The following SNTB1 variants were observed in gnomAD, a reference collection of about 807,000 sequenced individuals.
SNTB1 encodes the protein beta-1-syntrophin.
Under a neutral mutation model 48.9 loss-of-function variants are expected in SNTB1, and 36 were observed. The ratio of observed to expected loss-of-function variants is 0.74; its 90% CI spans 0.56 to 0.97. SNTB1 has a LOEUF of 0.97. Among genes scored for constraint, SNTB1 ranks in the 50% least tolerant of loss-of-function variants. SNTB1 has a pLI of 0.00. For missense variants in SNTB1, 786 were observed against 703.4 expected (o/e 1.12, Z -1.33); for synonymous variants, 299 against 294.6 (o/e 1.01, Z -0.15).
chr8:120,573,816 C>T (rs767923012), intron 4 of SNTB1, among the ~76,000 whole-genome samples: 1 of 152,042 alleles, frequency 6.6e-6, no homozygotes, highest in African/African-American at 2.4e-5. Context: ...TTCTTGGCAC[C>T]CTTGTCAACA....
At position 120,536,921 on chromosome 8, in the gene SNTB1, A is replaced by G. The variant is rs1815212158; in HGVS notation, c.*1956T>C. ...ATTGTTGAATTTAACTATTGGCATTAATATATGTATTTTAATATGTTATTT... is the reference window on the plus strand; with the variant it reads ...ATTGTTGAATTTAACTATTGGCATTGATATATGTATTTTAATATGTTATTT... On this transcript the variant is annotated 3_prime_UTR_variant, in exon 7 of 7. Transcript: ENST00000517992. 1 of 143,632 alleles carries G rather than the reference A, an allele frequency of 7.0e-6. No homozygotes were observed. The highest frequency in any genetic ancestry group is 1.9e-4 in the East Asian group (1 of 5,200). The allele number at this position is 143,632 out of a possible 1,614,324, so 8.9% of individuals were successfully genotyped here.
At chr8:120,724,342 A>T (rs1357480203) in intron 1 of SNTB1, among the ~76,000 whole-genome samples, 1 of 152,256 alleles carries the variant, frequency 6.6e-6, no homozygotes, top group African/African-American at 2.4e-5. Flanking sequence ...GCAAGAGAAC[A>T]CAGAGCCCTT....
intron 4 of SNTB1, among the ~76,000 whole-genome samples, chr8:120,569,551 A>G (rs1301127939): frequency 2.6e-5 from 4 of 152,224 alleles, no homozygotes; most frequent in Non-Finnish European, 5.9e-5. Flanking sequence ...GCTTGTGCAG[A>G]AGCCTGAAGA....
intron 1 of SNTB1, among the ~76,000 whole-genome samples, chr8:120,699,783 T>C (rs866334762): frequency 1.4e-4 from 21 of 152,230 alleles, no homozygotes; most frequent in African/African-American, 5.1e-4. Context: ...CTAAAAATGG[T>C]AGGGAGAGGT....
intron 3 of SNTB1, among the ~76,000 whole-genome samples, chr8:120,628,777 T>A (rs181170204): frequency 1.3e-5 from 2 of 149,252 alleles, no homozygotes; most frequent in East Asian, 3.9e-4. Flanking sequence ...AAAGAAAGAG[T>A]TGAGGCTAAT....
chr8:120,811,475 C>T lies in SNTB1; in HGVS notation c.369G>A (p.Leu123=), dbSNP rs1424086968. ...VKVLKQELGG[L]GISIKGGKEN... is the part of the protein sequence containing the mutation. ...CCTTGCCCCCCTTGATGCTGATCCC[C>T]AGCCCGCCCAGCTCCTGCTTCAGCA... The change falls in exon 1 of 7, where the codon CTG becomes CTA. Residue 123 remains leucine (L), a synonymous_variant. Coordinates refer to ENST00000517992, the MANE Select transcript of SNTB1 (RefSeq NM_021021.4). The T allele has an allele frequency of 6.2e-7, 1 of 1,614,028 alleles. No individual in the cohort carries two copies. The highest frequency in any genetic ancestry group is 1.7e-5 in the Admixed American group (1 of 60,020).
intron 1 of SNTB1, among the ~76,000 whole-genome samples, chr8:120,719,755 A>C (rs1818625940): frequency 6.6e-6 from 1 of 151,414 alleles, no homozygotes; most frequent in Non-Finnish European, 1.5e-5. Flanking sequence ...AAAGAGAGAC[A>C]GGGAAGACAG....
intron 4 of SNTB1, chr8:120,571,205 A>T: frequency 8.0e-7 from 1 of 1,255,068 alleles, no homozygotes; most frequent in Non-Finnish European, 1.0e-6. Flanking sequence ...GAGTTGCAGA[A>T]ACTACCTTAT....
chr8:120,800,656 T>C (rs1180282670), intron 1 of SNTB1, among the ~76,000 whole-genome samples: 1 of 152,052 alleles, frequency 6.6e-6, no homozygotes, highest in South Asian at 2.1e-4. Context: ...TGCATCAGCA[T>C]TGAAAAAGTA....
intron 3 of SNTB1, among the ~76,000 whole-genome samples, chr8:120,576,631 A>T (rs1458084863): frequency 6.6e-6 from 1 of 152,170 alleles, no homozygotes; most frequent in African/African-American, 2.4e-5. Flanking sequence ...ATAATATCAT[A>T]TACAACAGTG....
intron 3 of SNTB1, among the ~76,000 whole-genome samples, chr8:120,600,377 C>T (rs1003068137): frequency 2.0e-5 from 3 of 152,204 alleles, no homozygotes; most frequent in Non-Finnish European, 2.9e-5. Context: ...AAATGACAAC[C>T]AGGACCAATT....
At chr8:120,671,814 G>C (rs1817762071) in intron 2 of SNTB1, among the ~76,000 whole-genome samples, 1 of 152,204 alleles carries the variant, frequency 6.6e-6, no homozygotes, top group East Asian at 1.9e-4. Context: ...CAACAGTATT[G>C]CTTCTTTGAG....
chr8:120,808,813 G>T (rs1820380993), intron 1 of SNTB1, among the ~76,000 whole-genome samples: 1 of 152,118 alleles, frequency 6.6e-6, no homozygotes, highest in African/African-American at 2.4e-5. Flanking sequence ...CATGTCATGC[G>T]GTGGGGTGCA....
chr8:120,684,423 AAATCTG>A (rs1817992436), intron 2 of SNTB1, among the ~76,000 whole-genome samples: 6 of 152,238 alleles, frequency 3.9e-5, no homozygotes, highest in Admixed American at 3.9e-4. Context: ...CAAAAGTCTA[AAATCTG>A]AAGTCTCTCT....
Position 120,812,026 on chromosome 8 carries a change from C to A in SNTB1, c.-183G>T, listed in dbSNP as rs1210041884. On this transcript the variant is annotated 5_prime_UTR_variant, in exon 1 of 7. Transcript: ENST00000517992. ...CTCGGCGGGAGTTGGCAGCTGCACT[C>A]AGGCTGGTTCCCCCTCGCCTGATCC... is the stretch of plus-strand genomic sequence containing the variant. 6.3e-6 allele frequency: 8 copies of A among 1,263,146 alleles called. No individual in the cohort carries two copies. Among genetic ancestry groups the A allele is most frequent in the Non-Finnish European group, 7.9e-6 (8 of 1,009,762 alleles). The allele number at this position is 1,263,146 out of a possible 1,614,324, so 78.2% of individuals were successfully genotyped here. A position where few individuals can be genotyped will look rare whatever the true frequency, so the allele number is the denominator to read the frequency against.
intron 2 of SNTB1, among the ~76,000 whole-genome samples, chr8:120,677,063 C>CAAAAA (rs11398062): frequency 7.7e-6 from 1 of 129,736 alleles, no homozygotes; most frequent in South Asian, 2.6e-4. Context: ...GACCCTATCT[C>CAAAAA]AAAAAAAAAA....
At chr8:120,581,088 CAAAAAAAAAA>C (rs775547135) in intron 3 of SNTB1, among the ~76,000 whole-genome samples, 1 of 90,000 alleles carries the variant, frequency 1.1e-5, no homozygotes, top group South Asian at 3.5e-4. Flanking sequence ...GACCCTGTCT[CAAAAAAAAAA>C]AAAAAAAAAG....
intron 4 of SNTB1, among the ~76,000 whole-genome samples, chr8:120,559,261 G>A (rs573850806): frequency 2.6e-5 from 4 of 152,196 alleles, no homozygotes; most frequent in African/African-American, 9.6e-5. Context: ...TGGTGTTTTC[G>A]GTAGTAACTT....
At chr8:120,708,542 T>C (rs1818414309) in intron 1 of SNTB1, among the ~76,000 whole-genome samples, 1 of 152,034 alleles carries the variant, frequency 6.6e-6, no homozygotes, top group Admixed American at 6.6e-5. Flanking sequence ...AATATAAACA[T>C]AAATCCCAAA....
Sources: gnomAD v4.1 joint callset for allele counts (sites outside exome capture counted in the v4.1 genomes callset) on GRCh38, gnomAD v4.1.1 for gene constraint, MANE v1.5 for transcripts, NCBI Gene and HGNC (gene_info 2026-07-23, HGNC 2026-07-21) for gene names.